Variants in SFXN5 observed in about 807,000 individuals in gnomAD.
The protein encoded by SFXN5 is sideroflexin 5, also known as sideroflexin-5.
SFXN5 carries 43 observed loss-of-function variants against 50.2 expected under a neutral mutation model. The ratio of observed to expected loss-of-function variants is 0.86; its 90% CI spans 0.67 to 1.11. The LOEUF (loss-of-function observed/expected upper bound fraction) is 1.11, where lower values mean the gene tolerates loss of function less well. SFXN5 is among the 50% of genes least tolerant of loss of function. The pLI, the probability that SFXN5 is intolerant of heterozygous loss-of-function variation, is 0.00. For synonymous variants in SFXN5, 203 were observed against 185.8 expected (o/e 1.09, Z -0.75); for missense variants, 463 against 454.1 (o/e 1.02, Z -0.18).
intron 10 of SFXN5, among the ~76,000 whole-genome samples, chr2:72,986,022 A>T (rs903104193): frequency 2.6e-5 from 4 of 152,354 alleles, no homozygotes; most frequent in African/African-American, 9.6e-5. Context: ...AGCCCAGTGC[A>T]GCAGAGCGCT....
rs763389266 is a variant in SFXN5, at chr2:73,001,572, C to T, written c.364G>A (p.Gly122Ser). 1.5e-5 allele frequency: 24 copies of T among 1,613,938 alleles called. No individual in the cohort carries two copies. Among genetic ancestry groups the T allele is most frequent in the Middle Eastern group, 1.6e-4 (1 of 6,084 alleles). Residue 122 changes from glycine (G) to serine (S), a missense_variant, in exon 7 of 14, where the codon GGT becomes AGT. Transcript: ENST00000272433. ...AGTGTCTGGTTGGGCAAGAGAAGACCGACTACCTATGAGCAAGAGAGAAGA... is the reference window on the plus strand; with the variant it reads ...AGTGTCTGGTTGGGCAAGAGAAGACTGACTACCTATGAGCAAGAGAGAAGA... ...YIPFGTPIVV[G>S]LLLPNQTLAS...
At chr2:72,980,900 C>T (rs67673165) in intron 10 of SFXN5, 25,719 of 151,110 alleles carry the variant, frequency 0.17, 2,361 homozygotes, top group East Asian at 0.31. Context: ...CTGCATTACA[C>T]CTCCCCACTT....
intron 2 of SFXN5, among the ~76,000 whole-genome samples, chr2:73,054,763 T>C (rs778691160): frequency 1.3e-5 from 2 of 152,242 alleles, no homozygotes; most frequent in African/African-American, 4.8e-5. Context: ...GTGGCATTTA[T>C]GTTGGGATTT....
At chr2:72,987,439 C>G (rs942849153) in intron 10 of SFXN5, among the ~76,000 whole-genome samples, 3 of 151,058 alleles carry the variant, frequency 2.0e-5, no homozygotes, top group African/African-American at 7.3e-5. Flanking sequence ...GAATTAAAAA[C>G]AAGATCTATC....
At chr2:73,040,788 G>A (rs1679522223) in intron 3 of SFXN5, 66 bp downstream of exon 3, 15 of 1,335,556 alleles carry the variant, frequency 1.1e-5, no homozygotes, top group Non-Finnish European at 1.5e-5. Context: ...TGCAGCGAAG[G>A]GTTTGTGAAT....
chr2:72,995,869 C>T (rs1188637688), intron 9 of SFXN5, among the ~76,000 whole-genome samples: 1 of 152,166 alleles, frequency 6.6e-6, no homozygotes, highest in Non-Finnish European at 1.5e-5. Context: ...GCCGATTTTC[C>T]AAGTCAGAAA....
intron 9 of SFXN5, chr2:72,998,718 G>A (rs528469219): frequency 1.8e-6 from 1 of 553,958 alleles, no homozygotes; most frequent in South Asian, 2.3e-5. Flanking sequence ...AGTGCCCCCA[G>A]GCACAACCTC....
At chr2:73,040,004 T>G (rs1253813332) in intron 3 of SFXN5, among the ~76,000 whole-genome samples, 3 of 151,868 alleles carry the variant, frequency 2.0e-5, no homozygotes, top group Non-Finnish European at 2.9e-5. Context: ...AAAGACACGG[T>G]TTCACCACGT....
intron 6 of SFXN5, among the ~76,000 whole-genome samples, chr2:73,011,046 A>T (rs563153588): frequency 6.6e-6 from 1 of 152,366 alleles, no homozygotes; most frequent in African/African-American, 2.4e-5. Context: ...TAGAATACAG[A>T]ATTGATAAAT....
chr2:72,988,135 T>C (rs1672130887), intron 10 of SFXN5, 123 bp downstream of exon 10: 1 of 801,252 alleles, frequency 1.2e-6, no homozygotes, highest in Non-Finnish European at 2.0e-6. Context: ...ATTACACCAA[T>C]TCTCCCAGCT....
intron 9 of SFXN5, among the ~76,000 whole-genome samples, chr2:72,994,671 G>C (rs1161651677): frequency 6.6e-6 from 1 of 151,858 alleles, no homozygotes; most frequent in Non-Finnish European, 1.5e-5. Flanking sequence ...TTGTCCATGA[G>C]GGTGGCCCCA....
chr2:73,018,040 T>G (rs1332414204), intron 6 of SFXN5, among the ~76,000 whole-genome samples: 1 of 152,000 alleles, frequency 6.6e-6, no homozygotes, highest in Non-Finnish European at 1.5e-5. Context: ...TCTATCTCTA[T>G]AAAAAAATTT....
chr2:73,023,246 G>A, intron 3 of SFXN5, 32 bp from the exon 4 acceptor site: 3 of 1,580,810 alleles, frequency 1.9e-6, no homozygotes, highest in Non-Finnish European at 2.6e-6. Flanking sequence ...AGAAAATAAA[G>A]AACAAAAATT....
At chr2:73,045,817 G>A (rs1368632696) in intron 2 of SFXN5, among the ~76,000 whole-genome samples, 2 of 152,042 alleles carry the variant, frequency 1.3e-5, no homozygotes, top group African/African-American at 4.8e-5. Context: ...TTCCCACCCA[G>A]CAGTCCTGGA....
intron 11 of SFXN5, among the ~76,000 whole-genome samples, 175 bp from the exon 12 acceptor site, chr2:72,968,708 T>TTTCC (rs10565763): frequency 5.3e-5 from 8 of 151,002 alleles, no homozygotes; most frequent in South Asian, 2.1e-4. Context: ...TGGTCTCCTT[T>TTTCC]TTCCTTCCTT....
chr2:73,004,430 G>C (rs1674343680), intron 6 of SFXN5, among the ~76,000 whole-genome samples: 1 of 151,988 alleles, frequency 6.6e-6, no homozygotes. Flanking sequence ...GCTTGAAAAT[G>C]ACAAGATGGT....
intron 10 of SFXN5, among the ~76,000 whole-genome samples, chr2:72,982,905 A>G (rs984628906): frequency 1.3e-5 from 2 of 152,234 alleles, no homozygotes; most frequent in Non-Finnish European, 2.9e-5. Context: ...GCCAGGTCAA[A>G]GAAGGGACTC....
chr2:73,034,727 G>A (rs781080760), intron 3 of SFXN5, among the ~76,000 whole-genome samples: 14 of 152,134 alleles, frequency 9.2e-5, no homozygotes, highest in Non-Finnish European at 1.3e-4. Context: ...GCTGATTTCC[G>A]TAATAGCACT....
At chr2:73,056,893 A>C (rs1232345454) in intron 2 of SFXN5, among the ~76,000 whole-genome samples, 1 of 152,194 alleles carries the variant, frequency 6.6e-6, no homozygotes. Context: ...TTAAACATAT[A>C]TTTATCACAC....
Sources: allele counts gnomAD v4.1 joint callset (sites outside exome capture counted in the v4.1 genomes callset), GRCh38; gene constraint gnomAD v4.1.1; transcripts MANE v1.5; gene names NCBI Gene and HGNC (gene_info 2026-07-23, HGNC 2026-07-21).